MAGI2: variants seen among roughly 807,000 people sequenced by gnomAD.
MAGI2 encodes the protein membrane associated guanylate kinase, WW and PDZ domain containing 2.
In MAGI2, 35 loss-of-function variants were observed where a neutral mutation model predicts 133.3. The observed-to-expected ratio is 0.26, with a 90% confidence interval of 0.20 to 0.35. MAGI2 has a LOEUF of 0.35. Among genes scored for constraint, MAGI2 ranks in the 10% least tolerant of loss-of-function variants. The pLI, the probability that MAGI2 is intolerant of heterozygous loss-of-function variation, is 1.00. For synonymous variants in MAGI2, 729 were observed against 710.6 expected (o/e 1.03, Z -0.41); for missense variants, 1,636 against 1,863.4 (o/e 0.88, Z 2.25).
chr7:78,122,369 C>T (rs923121837), intron 20 of MAGI2, among the ~76,000 whole-genome samples: 1 of 152,034 alleles, frequency 6.6e-6, no homozygotes, highest in Non-Finnish European at 1.5e-5. Context: ...TTAGAAGAAG[C>T]TAATTTCAGG....
intron 1 of MAGI2, among the ~76,000 whole-genome samples, chr7:79,358,772 G>T (rs1842188235): frequency 6.6e-6 from 1 of 152,136 alleles, no homozygotes; most frequent in African/African-American, 2.4e-5. Flanking sequence ...AGAAGGAGGA[G>T]AAACTTCAGT....
intron 2 of MAGI2, among the ~76,000 whole-genome samples, chr7:78,968,928 G>C (rs1007784476): frequency 3.3e-5 from 5 of 152,016 alleles, no homozygotes; most frequent in African/African-American, 1.2e-4. Flanking sequence ...AGAATCCTTG[G>C]TGGAATTTTC....
intron 1 of MAGI2, among the ~76,000 whole-genome samples, chr7:79,378,012 T>A (rs2129139970): frequency 6.6e-6 from 1 of 151,976 alleles, no homozygotes; most frequent in Non-Finnish European, 1.5e-5. Context: ...TTTTCACAGA[T>A]AATTAAGAAA....
At chr7:78,040,781 C>T (rs3779336) in intron 21 of MAGI2, among the ~76,000 whole-genome samples, 61,223 of 151,922 alleles carry the variant, frequency 0.4, 12,652 homozygotes, top group African/African-American at 0.43. Context: ...CTATTCATTA[C>T]GGCTCAACTC....
rs1466563845 is a variant in MAGI2 at position 78,209,038 on chromosome 7, C to A, written c.2048-7845G>T. Among the ~76,000 whole-genome samples the A allele has an allele frequency of 6.8e-5, 10 of 147,328 alleles. No homozygotes were observed. The Admixed American group carries it at 6.8e-4, about 10-fold the overall frequency. ...GAGATCGAGACCATCTGGGCTAACA[C>A]GGTGAAACCCTGTCTCTACTAAAAA... On this transcript the variant is annotated intron_variant, in intron 10 of 21. Transcript: ENST00000354212.
intron 2 of MAGI2, among the ~76,000 whole-genome samples, chr7:78,790,695 A>T (rs1827177252): frequency 6.6e-6 from 1 of 152,100 alleles, no homozygotes; most frequent in African/African-American, 2.4e-5. Context: ...GGGTCTCCCA[A>T]AGTGCTGGGA....
chr7:78,059,777 A>ATATATATT (rs368179491), intron 21 of MAGI2, among the ~76,000 whole-genome samples: 15 of 146,138 alleles, frequency 1.0e-4, no homozygotes, highest in African/African-American at 2.5e-4. Context: ...ATATATATAT[A>ATATATATT]TTTTTTTTCT....
intron 6 of MAGI2, among the ~76,000 whole-genome samples, chr7:78,479,509 T>C (rs1199367969): frequency 6.6e-6 from 1 of 151,872 alleles, no homozygotes; most frequent in Non-Finnish European, 1.5e-5. Flanking sequence ...AGCAGGAATG[T>C]ATCAGGAGCT....
chr7:78,137,666 A>T (rs1822296346), intron 16 of MAGI2, among the ~76,000 whole-genome samples: 1 of 152,182 alleles, frequency 6.6e-6, no homozygotes, highest in African/African-American at 2.4e-5. Flanking sequence ...TGTTGGGTGG[A>T]TTAGACAGAC....
intron 1 of MAGI2, among the ~76,000 whole-genome samples, chr7:79,393,466 G>T (rs756900545): frequency 6.6e-6 from 1 of 152,082 alleles, no homozygotes; most frequent in Non-Finnish European, 1.5e-5. Flanking sequence ...TTTATCCTTT[G>T]ATATGATTAT....
intron 2 of MAGI2, among the ~76,000 whole-genome samples, chr7:78,768,410 G>A (rs1310428615): frequency 6.6e-6 from 1 of 152,192 alleles, no homozygotes; most frequent in African/African-American, 2.4e-5. Flanking sequence ...GGATCTACAT[G>A]CTGTATTAAA....
chr7:78,418,212 CA>C (rs1173881386), intron 6 of MAGI2, among the ~76,000 whole-genome samples: 1 of 152,116 alleles, frequency 6.6e-6, no homozygotes, highest in Non-Finnish European at 1.5e-5. Context: ...ATTCGTGAAA[CA>C]AATATTCACT....
intron 2 of MAGI2, among the ~76,000 whole-genome samples, chr7:78,962,392 GTT>G (rs1167796053): frequency 6.6e-6 from 1 of 151,564 alleles, no homozygotes; most frequent in Non-Finnish European, 1.5e-5. Context: ...TATGACTTTT[GTT>G]TTGTTTTACT....
chr7:79,185,916 C>T (rs778721659), intron 1 of MAGI2, among the ~76,000 whole-genome samples: 2 of 151,628 alleles, frequency 1.3e-5, no homozygotes, highest in Non-Finnish European at 2.9e-5. Context: ...GCTGACACAT[C>T]AGCAACTTGT....
intron 2 of MAGI2, among the ~76,000 whole-genome samples, chr7:78,690,644 T>G (rs1816856555): frequency 6.6e-6 from 1 of 152,238 alleles, no homozygotes; most frequent in Non-Finnish European, 1.5e-5. Context: ...GAATTACTCA[T>G]GTTTTGTTTC....
chr7:79,411,475 G>A (rs1846137216), intron 1 of MAGI2: 1 of 152,052 alleles, frequency 6.6e-6, no homozygotes, highest in Non-Finnish European at 1.5e-5. Context: ...GGTGGAAGGG[G>A]GCATGAGCCA....
intron 2 of MAGI2, among the ~76,000 whole-genome samples, chr7:78,651,214 C>CCA: frequency 6.6e-6 from 1 of 152,110 alleles, no homozygotes; most frequent in Non-Finnish European, 1.5e-5. Context: ...TACAGACCCT[C>CCA]CAGCCTCTTG....
At chr7:79,036,739 G>A (rs542344111) in intron 1 of MAGI2, among the ~76,000 whole-genome samples, 25 of 152,132 alleles carry the variant, frequency 1.6e-4, no homozygotes, top group African/African-American at 5.8e-4. Context: ...GGCATGTGAG[G>A]GTAATGGATG....
chr7:78,055,386 C>T (rs908828030), intron 21 of MAGI2, among the ~76,000 whole-genome samples: 14 of 152,186 alleles, frequency 9.2e-5, no homozygotes, highest in South Asian at 4.1e-4. Context: ...TGAATGGAAA[C>T]GCTTTTCCCT....
Sources: gnomAD v4.1 joint callset for allele counts (sites outside exome capture counted in the v4.1 genomes callset) on GRCh38, gnomAD v4.1.1 for gene constraint, MANE v1.5 for transcripts, NCBI Gene and HGNC (gene_info 2026-07-23, HGNC 2026-07-21) for gene names.